NELL2: variants seen among roughly 807,000 people sequenced by gnomAD.
NELL2 encodes protein kinase C-binding protein NELL2.
A neutral mutation model predicts 109.6 loss-of-function variants in NELL2; 41 were observed. The ratio of observed to expected loss-of-function variants is 0.37; its 90% CI spans 0.29 to 0.49. The LOEUF (loss-of-function observed/expected upper bound fraction) is 0.49, where lower values mean the gene tolerates loss of function less well. Ranked by LOEUF, NELL2 falls within the 20% of genes least tolerant of loss-of-function variation. NELL2 has a pLI of 0.98. For missense variants in NELL2, 900 were observed against 1,008.3 expected, an observed-to-expected ratio of 0.89 and a Z score of 1.45; for synonymous variants, 355 against 344.7, an observed-to-expected ratio of 1.03 and a Z score of -0.33.
At chr12:44,533,066 C>G (rs1414080870) in intron 15 of NELL2, among the ~76,000 whole-genome samples, 1 of 152,120 alleles carries the variant, frequency 6.6e-6, no homozygotes, top group East Asian at 1.9e-4. Flanking sequence ...TTAGGTATGG[C>G]CACGTGATAG....
chr12:44,881,264 A>G (rs148015244), upstream of NELL2, among the ~76,000 whole-genome samples: 104 of 152,096 alleles, frequency 6.8e-4, no homozygotes, highest in Middle Eastern at 3.4e-3. Flanking sequence ...CTTCAACTTA[A>G]ATAAGAAAAA....
chr12:44,546,682 T>C (rs1942807646), intron 15 of NELL2, among the ~76,000 whole-genome samples: 2 of 152,210 alleles, frequency 1.3e-5, no homozygotes, highest in Non-Finnish European at 2.9e-5. Flanking sequence ...TTAAATTTTG[T>C]GTTCACTTTA....
chr12:44,735,976 A>C (rs1939617005), intron 9 of NELL2, among the ~76,000 whole-genome samples: 1 of 151,616 alleles, frequency 6.6e-6, no homozygotes, highest in Non-Finnish European at 1.5e-5. Flanking sequence ...AATGTAAGTC[A>C]ATTAAAATTA....
intron 3 of NELL2, among the ~76,000 whole-genome samples, chr12:44,791,154 C>T (rs1488845619): frequency 4.1e-5 from 4 of 98,448 alleles, no homozygotes; most frequent in African/African-American, 1.7e-4. Flanking sequence ...CACACATACA[C>T]ACACACACAC....
chr12:44,904,444 T>G (rs756623346), intron 1 of NELL2, among the ~76,000 whole-genome samples: 1 of 152,170 alleles, frequency 6.6e-6, no homozygotes, highest in African/African-American at 2.4e-5. Flanking sequence ...ATATTCTGTC[T>G]CTCTTTTCTT....
At position 44,887,636 on chromosome 12, in the gene NELL2, T is replaced by TTGTGTGTG. The variant is rs141640366; in HGVS notation, c.39-11744_39-11737dup. The stretch of plus-strand genomic sequence containing the variant: ...AATTATTTGGGGTTTGGGGGGATTA[T>TTGTGTGTG]TGTGTGTGTGTGTGTGTGTGTGTTG... On this transcript the variant is annotated intron_variant, in intron 1 of 20. Transcript: ENST00000333837. 4.9e-3 allele frequency among the ~76,000 whole-genome samples: 728 copies of TTGTGTGTG among 149,230 alleles called. 11 individuals carry two copies. The highest frequency in any genetic ancestry group is 0.017 in the African/African-American group (685 of 40,502).
intron 16 of NELL2, among the ~76,000 whole-genome samples, chr12:44,526,448 GC>G (rs1941776853): frequency 6.6e-6 from 1 of 152,096 alleles, no homozygotes; most frequent in African/African-American, 2.4e-5. Flanking sequence ...TACATAACTT[GC>G]CCAAAATGAC....
At chr12:44,615,904 A>G (rs7970849) in intron 13 of NELL2, among the ~76,000 whole-genome samples, 89,015 of 151,896 alleles carry the variant, frequency 0.59, 26,712 homozygotes, top group East Asian at 0.73. Context: ...TGATAACAAC[A>G]TGTTCAAGTT....
chr12:44,862,036 CAT>C (rs1297861408), intron 2 of NELL2, among the ~76,000 whole-genome samples: 7 of 152,280 alleles, frequency 4.6e-5, no homozygotes, highest in Admixed American at 2.6e-4. Flanking sequence ...GAAATGAAAA[CAT>C]ATAAACTTCA....
At chr12:44,652,721 A>G (rs1486593197) in intron 13 of NELL2, among the ~76,000 whole-genome samples, 2 of 152,218 alleles carry the variant, frequency 1.3e-5, no homozygotes, top group African/African-American at 2.4e-5. Flanking sequence ...AAACCTGGTA[A>G]CTTGAACTAT....
intron 2 of NELL2, among the ~76,000 whole-genome samples, chr12:44,830,528 G>C (rs1943852859): frequency 6.6e-6 from 1 of 152,076 alleles, no homozygotes; most frequent in Admixed American, 6.5e-5. Context: ...AAGTACCACA[G>C]GGCATGGGGC....
At chr12:44,729,816 T>A (rs55946231) in intron 9 of NELL2, among the ~76,000 whole-genome samples, 11,276 of 151,956 alleles carry the variant, frequency 0.074, 1,357 homozygotes, top group African/African-American at 0.25. Flanking sequence ...TGTTTTGAGA[T>A]GGAGTCTTGC....
chr12:44,920,767 G>T (rs1443696526), intron 1 of NELL2, among the ~76,000 whole-genome samples: 4 of 152,068 alleles, frequency 2.6e-5, no homozygotes, highest in Non-Finnish European at 5.9e-5. Context: ...GTTTTTATTT[G>T]CTTTTAATTA....
Position 44,679,161 on chromosome 12 carries a change from G to A in NELL2, c.1319-13552C>T, listed in dbSNP as rs11182610. Among the ~76,000 whole-genome samples the A allele has an allele frequency of 1.3e-3, 201 of 152,180 alleles. 3 individuals are homozygous for A. In the East Asian group the frequency reaches 0.027, roughly 21 times the overall value. ...GTATTCACACGTACCTATTACTCCC[G>A]GGAGGAGAGGTTTCTATTCCACTGA... On this transcript the variant is annotated intron_variant, in intron 12 of 19. Transcript: ENST00000429094.
intron 2 of NELL2, among the ~76,000 whole-genome samples, chr12:44,824,171 C>A (rs917234630): frequency 6.6e-6 from 1 of 152,112 alleles, no homozygotes; most frequent in Non-Finnish European, 1.5e-5. Context: ...ACAATGGACC[C>A]CTTGGCAGAT....
At chr12:44,736,004 CTTTTTTTTT>C (rs35988182) in intron 9 of NELL2, among the ~76,000 whole-genome samples, 4 of 99,398 alleles carry the variant, frequency 4.0e-5, no homozygotes, top group African/African-American at 1.4e-4. Context: ...GCAGTTAATT[CTTTTTTTTT>C]TTTTTTTTTT....
chr12:44,524,158 T>G (rs1367627694), intron 16 of NELL2, among the ~76,000 whole-genome samples: 1 of 152,184 alleles, frequency 6.6e-6, no homozygotes, highest in Non-Finnish European at 1.5e-5. Flanking sequence ...CAGATTATCA[T>G]TTTGTCCCCT....
In NELL2 at chr12:44,686,243, C is replaced by T. The variant is rs183003427; in HGVS notation, c.1318+17483G>A. ...GCGTCTGCATTCTTCACGTAGTTCTCGAGCCTTGGTTTTCAGCTCCATCAG... is the reference window on the plus strand; with the variant it reads ...GCGTCTGCATTCTTCACGTAGTTCTTGAGCCTTGGTTTTCAGCTCCATCAG... On this transcript the variant is annotated intron_variant, in intron 12 of 19. Coordinates refer to ENST00000429094, the MANE Select transcript of NELL2 (RefSeq NM_001145108.2). Among the ~76,000 whole-genome samples the T allele has an allele frequency of 1.2e-3, 178 of 152,292 alleles. 1 individual carries two copies. The highest frequency in any genetic ancestry group is 3.8e-3 in the African/African-American group (156 of 41,558).
intron 3 of NELL2, among the ~76,000 whole-genome samples, chr12:44,794,214 T>C (rs1419327800): frequency 6.6e-6 from 1 of 152,210 alleles, no homozygotes; most frequent in Non-Finnish European, 1.5e-5. Flanking sequence ...CACTGTATGA[T>C]AGTACTTGCC....
Sources: gnomAD v4.1 joint callset for allele counts (sites outside exome capture counted in the v4.1 genomes callset) on GRCh38, gnomAD v4.1.1 for gene constraint, MANE v1.5 for transcripts, NCBI Gene and HGNC (gene_info 2026-07-23, HGNC 2026-07-21) for gene names.